The following TAF12 variants were observed in gnomAD, a reference collection of about 807,000 sequenced individuals.
The protein encoded by TAF12 is TATA-box binding protein associated factor 12.
Under a neutral mutation model 20.8 loss-of-function variants are expected in TAF12, and 3 were observed. That is an observed-to-expected ratio of 0.14 (90% confidence interval 0.07 to 0.37). The LOEUF is 0.37. Ranked by LOEUF, TAF12 falls within the 10% of genes least tolerant of loss-of-function variation. The pLI, the probability that TAF12 is intolerant of heterozygous loss-of-function variation, is 1.00. For synonymous variants in TAF12, 69 were observed against 70.2 expected, an observed-to-expected ratio of 0.98 and a Z score of 0.09; for missense variants, 131 against 197.9, an observed-to-expected ratio of 0.66 and a Z score of 2.03.
chr1:28,604,990 C>A (rs562949038), intron 5 of TAF12, among the ~76,000 whole-genome samples: 38 of 152,240 alleles, frequency 2.5e-4, no homozygotes, highest in Non-Finnish European at 4.6e-4. Context: ...CACATTTTTG[C>A]TTTCTTTAAC....
intron 1 of TAF12, among the ~76,000 whole-genome samples, chr1:28,640,706 T>G (rs1348343926): frequency 1.3e-5 from 2 of 152,134 alleles, no homozygotes; most frequent in African/African-American, 4.8e-5. Context: ...CTAGTAAATG[T>G]TTGCACTAAA....
chr1:28,619,376 T>TA (rs1667136561), intron 2 of TAF12, among the ~76,000 whole-genome samples: 1 of 150,280 alleles, frequency 6.7e-6, no homozygotes, highest in Non-Finnish European at 1.5e-5. Flanking sequence ...CGGGCGCCTG[T>TA]AGTCCCAGCT....
At position 28,643,006 on chromosome 1, in the gene TAF12, A is replaced by G. The variant is rs1668088468; in HGVS notation, c.-99T>C. On this transcript the variant is annotated 5_prime_UTR_variant, in exon 1 of 6. The change abolishes the stop of an existing upstream ORF in the 5' untranslated region. Transcript: ENST00000373824. ...CCAAGACTCACAGGCAGCAGCGTCT[A>G]TCTCCCCATGATATGCAGAGACTGC... The G allele has an allele frequency of 1.0e-6, 1 of 985,772 alleles. No homozygotes were observed. Among genetic ancestry groups the G allele is most frequent in the Non-Finnish European group, 1.2e-6 (1 of 830,032 alleles). The allele number at this position is 985,772 out of a possible 1,614,324, so 61.1% of individuals were successfully genotyped here.
intron 1 of TAF12, 29 bp from the exon 2 acceptor site, chr1:28,622,194 C>T (rs1248672696): frequency 8.2e-6 from 12 of 1,463,180 alleles, no homozygotes; most frequent in African/African-American, 1.4e-5. Flanking sequence ...AGAATTAGCT[C>T]TAGAAGAACC....
chr1:28,633,608 C>A (rs1397808138), intron 1 of TAF12, among the ~76,000 whole-genome samples: 1 of 150,956 alleles, frequency 6.6e-6, no homozygotes, highest in African/African-American at 2.4e-5. Flanking sequence ...GAAACCCCGT[C>A]TCTACTAAAA....
intron 1 of TAF12, among the ~76,000 whole-genome samples, chr1:28,637,980 A>G (rs1000810900): frequency 2.0e-5 from 3 of 151,958 alleles, no homozygotes; most frequent in Non-Finnish European, 4.4e-5. Flanking sequence ...GTGAGACCCC[A>G]TTCCTATTTT....
chr1:28,645,341 T>G (rs993145760), upstream of TAF12, among the ~76,000 whole-genome samples: 1 of 143,996 alleles, frequency 6.9e-6, no homozygotes, highest in Non-Finnish European at 1.5e-5. Context: ...GGCCTCTTCT[T>G]TTTTTTTTTT....
chr1:28,615,291 C>T (rs150669774), intron 3 of TAF12, among the ~76,000 whole-genome samples: 6 of 152,038 alleles, frequency 3.9e-5, no homozygotes, highest in Non-Finnish European at 5.9e-5. Flanking sequence ...CTGTGGGAAC[C>T]AAATGGACAC....
chr1:28,639,052 G>A (rs556868989), intron 1 of TAF12, among the ~76,000 whole-genome samples: 4 of 151,748 alleles, frequency 2.6e-5, no homozygotes, highest in South Asian at 2.1e-4. Context: ...TGGGATTACC[G>A]GCGTGAGCCA....
intron 1 of TAF12, among the ~76,000 whole-genome samples, chr1:28,622,845 AC>A (rs1315965868): frequency 2.0e-5 from 3 of 151,890 alleles, no homozygotes; most frequent in Admixed American, 2.0e-4. Flanking sequence ...ACATGGTGAA[AC>A]CCCATCTCTA....
At chr1:28,635,135 CAGG>C (rs1667773227) in intron 1 of TAF12, among the ~76,000 whole-genome samples, 1 of 148,828 alleles carries the variant, frequency 6.7e-6, no homozygotes, top group African/African-American at 2.5e-5. Flanking sequence ...GAGGCTGAAG[CAGG>C]AGAATAGCGC....
exon 1 of TAF12, chr1:28,648,233 A>T: frequency 1.0e-6 from 1 of 985,372 alleles, no homozygotes; most frequent in East Asian, 1.1e-4. Flanking sequence ...TTCCAACGCC[A>T]TGAGACGCCT....
chr1:28,640,456 A>G (rs994796972), intron 1 of TAF12, among the ~76,000 whole-genome samples: 5 of 152,212 alleles, frequency 3.3e-5, no homozygotes, highest in African/African-American at 1.2e-4. Context: ...AGGCACATGT[A>G]ACTGGGGTTG....
At chr1:28,641,898 G>A (rs528982616) in intron 1 of TAF12, among the ~76,000 whole-genome samples, 1 of 151,840 alleles carries the variant, frequency 6.6e-6, no homozygotes, top group Admixed American at 6.6e-5. Context: ...GCTACGCACA[G>A]AAGGGTACTG....
intron 1 of TAF12, among the ~76,000 whole-genome samples, chr1:28,627,610 G>A (rs1395297927): frequency 7.1e-6 from 1 of 140,422 alleles, no homozygotes; most frequent in African/African-American, 2.7e-5. Flanking sequence ...GGAGAATGGC[G>A]TGAACCCAGG....
chr1:28,630,414 C>T (rs1442076031), intron 1 of TAF12, among the ~76,000 whole-genome samples: 2 of 151,942 alleles, frequency 1.3e-5, no homozygotes, highest in Non-Finnish European at 2.9e-5. Flanking sequence ...ATTAGCTGGG[C>T]GTGGTGGCGT....
upstream of TAF12, among the ~76,000 whole-genome samples, chr1:28,645,516 T>C (rs1405630183): frequency 6.6e-6 from 1 of 151,126 alleles, no homozygotes; most frequent in Non-Finnish European, 1.5e-5. Flanking sequence ...GGCGTGGTGG[T>C]GCACGCCTGT....
chr1:28,619,414 C>T (rs1490403786), intron 2 of TAF12, among the ~76,000 whole-genome samples: 4 of 149,066 alleles, frequency 2.7e-5, no homozygotes, highest in Admixed American at 6.8e-5. Flanking sequence ...AGGAGAATGG[C>T]GTGAACCCGG....
At position 28,603,486 on chromosome 1, in the gene TAF12, C is replaced by T; in HGVS notation, c.*53G>A. On this transcript the variant is annotated 3_prime_UTR_variant, in exon 6 of 6. Coordinates refer to ENST00000373824, the MANE Select transcript of TAF12 (RefSeq NM_005644.4). ...TCCAAGGATGAGATGGCTGAGTTCTCAGCTCAAGTATCTCCAAATACATTG... is the reference window on the plus strand; with the variant it reads ...TCCAAGGATGAGATGGCTGAGTTCTTAGCTCAAGTATCTCCAAATACATTG... 1 of 1,599,154 alleles carries T rather than the reference C, an allele frequency of 6.3e-7. No individual in the cohort carries two copies. Among genetic ancestry groups the T allele is most frequent in the Non-Finnish European group, 8.6e-7 (1 of 1,168,276 alleles).
Sources: allele counts gnomAD v4.1 joint callset (sites outside exome capture counted in the v4.1 genomes callset), GRCh38; gene constraint gnomAD v4.1.1; transcripts MANE v1.5; gene names NCBI Gene and HGNC (gene_info 2026-07-23, HGNC 2026-07-21).